Variants in PUDP observed in about 807,000 individuals in gnomAD.
PUDP encodes pseudouridine-5'-phosphatase.
In PUDP, 8 loss-of-function variants were observed where a neutral mutation model predicts 9.4. The observed-to-expected ratio is 0.85, with a 90% CI of 0.50 to 1.53. The LOEUF is 1.53. Among genes scored for constraint, PUDP ranks in the 40% most tolerant of loss-of-function variants. PUDP has a pLI of 0.00. For missense variants in PUDP, 188 were observed against 189.7 expected (o/e 0.99, Z 0.05); for synonymous variants, 99 against 80.7 (o/e 1.23, Z -1.22).
chrX:6,926,164 T>C (rs1430478030), intron 3 of PUDP, among the ~76,000 whole-genome samples: 2 of 111,540 alleles, frequency 1.8e-5, no homozygotes, highest in African/African-American at 6.5e-5. Context: ...GGATTCTATT[T>C]TTAGTTGACA....
chrX:6,811,116 T>G (rs112393066), intron 3 of PUDP, among the ~76,000 whole-genome samples: 3,309 of 111,456 alleles, frequency 0.03, 122 homozygotes, highest in African/African-American at 0.1. Context: ...CAGGCTTCGA[T>G]TCTCAAAAAT....
chrX:6,833,310 T>A (rs1297195193), intron 3 of PUDP, among the ~76,000 whole-genome samples: 1 of 110,840 alleles, frequency 9.0e-6, no homozygotes, highest in Non-Finnish European at 1.9e-5. Context: ...GATGGACGGA[T>A]GGACAAATGC....
Position 7,130,842 on chromosome X carries a change from T to G in PUDP, c.61+17211A>C, listed in dbSNP as rs748004742. On this transcript the variant is annotated intron_variant, in intron 1 of 3. Coordinates refer to ENST00000381077, the MANE Select transcript of PUDP (RefSeq NM_012080.5). ...CAGAGGTTGCAATGAGCTGAGATTG[T>G]GCCATTGCATTCTAGCCTGGACAAC... 1.0e-3 allele frequency among the ~76,000 whole-genome samples: 113 copies of G among 111,707 alleles called. 1 individual carries two copies. The highest frequency in any genetic ancestry group is 3.4e-3 in the African/African-American group (106 of 30,728).
chrX:7,140,197 A>C (rs1254664800), intron 1 of PUDP, among the ~76,000 whole-genome samples: 1 of 112,481 alleles, frequency 8.9e-6, no homozygotes, highest in Non-Finnish European at 1.9e-5. Flanking sequence ...TTTAAACTGC[A>C]AATATCTGCA....
intron 3 of PUDP, among the ~76,000 whole-genome samples, chrX:6,976,747 A>C (rs1928962308): frequency 8.9e-6 from 1 of 111,816 alleles, no homozygotes; most frequent in Non-Finnish European, 1.9e-5. Context: ...GTTCCACTTA[A>C]AGAACAACAC....
chrX:6,941,341 C>CTTTTTTTTTT (rs761887998), intron 3 of PUDP, among the ~76,000 whole-genome samples: 2 of 78,647 alleles, frequency 2.5e-5, no homozygotes, highest in African/African-American at 4.8e-5. Flanking sequence ...TCTTTTCTGT[C>CTTTTTTTTTT]TTTTTTTTTT....
intron 3 of PUDP, among the ~76,000 whole-genome samples, chrX:6,874,589 T>A (rs1189514602): frequency 8.9e-6 from 1 of 112,059 alleles, no homozygotes; most frequent in African/African-American, 3.2e-5. Context: ...GCTGTGTTTA[T>A]ACACGCCAAA....
chrX:7,024,339 T>A (rs941070270), intron 1 of PUDP, among the ~76,000 whole-genome samples: 5 of 111,859 alleles, frequency 4.5e-5, no homozygotes, highest in African/African-American at 1.3e-4. Context: ...CTTTATCAGG[T>A]TGGTTGAAGG....
At chrX:6,989,140 T>A (rs1377370749) in intron 1 of PUDP, among the ~76,000 whole-genome samples, 1 of 111,962 alleles carries the variant, frequency 8.9e-6, no homozygotes, top group Non-Finnish European at 1.9e-5. Context: ...TATAAATGTA[T>A]ACATATTCAT....
chrX:6,767,363 T>G (rs1033136511), intron 3 of PUDP, among the ~76,000 whole-genome samples: 1 of 112,797 alleles, frequency 8.9e-6, no homozygotes, highest in Non-Finnish European at 1.9e-5. Flanking sequence ...ATTACAGCAC[T>G]AGTTCATTAA....
chrX:6,981,018 C>T (rs946348013), intron 1 of PUDP, among the ~76,000 whole-genome samples: 1 of 111,585 alleles, frequency 9.0e-6, no homozygotes, highest in Non-Finnish European at 1.9e-5. Context: ...CTGTGTGATA[C>T]TCATCTCCAC....
chrX:7,054,650 C>T, intron 3 of PUDP, among the ~76,000 whole-genome samples: 1 of 111,183 alleles, frequency 9.0e-6, no homozygotes, highest in Middle Eastern at 4.6e-3. Flanking sequence ...TGATCTCAGC[C>T]CAAAACAAAC....
At chrX:6,955,067 C>A (rs1157986854) in intron 3 of PUDP, among the ~76,000 whole-genome samples, 3 of 112,125 alleles carry the variant, frequency 2.7e-5, no homozygotes, top group Admixed American at 9.4e-5. Flanking sequence ...CCAAGGCTAT[C>A]AGGCAGTCAA....
At chrX:6,742,977 T>C (rs964526648) in intron 3 of PUDP, among the ~76,000 whole-genome samples, 1 of 111,838 alleles carries the variant, frequency 8.9e-6, no homozygotes, top group Non-Finnish European at 1.9e-5. Flanking sequence ...AAAGCCCCCT[T>C]TTAAAATGCT....
chrX:6,918,554 G>T (rs948491145), intron 3 of PUDP, among the ~76,000 whole-genome samples: 91 of 112,228 alleles, frequency 8.1e-4, no homozygotes, highest in African/African-American at 2.7e-3. Context: ...GCTATAAAAA[G>T]AAACCACAGA....
At chrX:6,883,877 G>A (rs1016092351) in intron 3 of PUDP, among the ~76,000 whole-genome samples, 1 of 111,477 alleles carries the variant, frequency 9.0e-6, no homozygotes, top group Non-Finnish European at 1.9e-5. Context: ...GTCTCACTCT[G>A]TCACCCAGTC....
rs765236405 is a variant in PUDP, at chrX:7,032,064, AAAAT to A, written c.204+45152_204+45155del. Among the ~76,000 whole-genome samples, 110 of 112,553 alleles carry A rather than the reference AAAAT, an allele frequency of 9.8e-4. 1 individual carries two copies. Among genetic ancestry groups the A allele is most frequent in the African/African-American group, 3.3e-3 (102 of 31,055 alleles). On this transcript the variant is annotated intron_variant and NMD_transcript_variant, in intron 1 of 3. Transcript: ENST00000655425. The stretch of plus-strand genomic sequence containing the variant: ...AAAAATAAAACAAAAACACATGCAA[AAAAT>A]AAAAAAACAAAAAATGAGCAAATTA...
rs749701111 is a variant in PUDP, at chrX:6,948,950, T to C, written c.*247+28183A>G. Reference sequence around the variant, plus strand: ...GAATATAATTTAAGGACAGTGGTGATGAGCTGTGTTCGCAATGGGGGCACA... The same window carrying C: ...GAATATAATTTAAGGACAGTGGTGACGAGCTGTGTTCGCAATGGGGGCACA... On this transcript the variant is annotated intron_variant and NMD_transcript_variant, in intron 3 of 3. Transcript: ENST00000655425. Among the ~76,000 whole-genome samples, 150 of 112,318 alleles carry C rather than the reference T, an allele frequency of 1.3e-3. 1 individual carries two copies. The highest frequency in any genetic ancestry group is 4.6e-3 in the African/African-American group (141 of 30,960).
chrX:7,082,038 T>G (rs1445330207), intron 2 of PUDP, among the ~76,000 whole-genome samples: 1 of 112,724 alleles, frequency 8.9e-6, no homozygotes, highest in Non-Finnish European at 1.9e-5. Flanking sequence ...AATGGAGTTC[T>G]GTTCTAGGGA....
Sources: gnomAD v4.1 joint callset for allele counts (sites outside exome capture counted in the v4.1 genomes callset) on GRCh38, gnomAD v4.1.1 for gene constraint, MANE v1.5 for transcripts, NCBI Gene and HGNC (gene_info 2026-07-23, HGNC 2026-07-21) for gene names.